The following ENPP1 variants were observed in gnomAD, a reference collection of about 807,000 sequenced individuals.
ENPP1 encodes ectonucleotide pyrophosphatase/phosphodiesterase family member 1.
In ENPP1, 73 loss-of-function variants were observed where a neutral mutation model predicts 122.8. The ratio of observed to expected loss-of-function variants is 0.59; its 90% CI spans 0.49 to 0.72. The LOEUF is 0.72. Among genes scored for constraint, ENPP1 ranks in the 30% least tolerant of loss-of-function variants. The pLI, the probability that ENPP1 is intolerant of heterozygous loss-of-function variation, is 0.00. For synonymous variants in ENPP1, 367 were observed against 391.6 expected, an observed-to-expected ratio of 0.94 and a Z score of 0.74; for missense variants, 978 against 1,128.1, an observed-to-expected ratio of 0.87 and a Z score of 1.91.
intron 1 of ENPP1, among the ~76,000 whole-genome samples, chr6:131,823,898 C>T (rs537097358): frequency 9.5e-4 from 144 of 151,460 alleles, no homozygotes; most frequent in African/African-American, 3.4e-3. Flanking sequence ...GTAGTAGTAC[C>T]TCACAGGTTT....
chr6:131,826,484 A>C, intron 1 of ENPP1: 2 of 1,055,692 alleles, frequency 1.9e-6, no homozygotes, highest in East Asian at 4.8e-5. Context: ...AAGTTTAAGC[A>C]GGAAAGATTC....
chr6:131,810,048 A>G (rs1020103202), intron 1 of ENPP1, among the ~76,000 whole-genome samples: 1 of 152,186 alleles, frequency 6.6e-6, no homozygotes, highest in Non-Finnish European at 1.5e-5. Context: ...GAACACTGTG[A>G]GACATTAACA....
At chr6:131,816,873 A>G (rs1017643314) in intron 1 of ENPP1, among the ~76,000 whole-genome samples, 3 of 152,202 alleles carry the variant, frequency 2.0e-5, no homozygotes, top group Non-Finnish European at 4.4e-5. Context: ...ATGACAGTCA[A>G]TTCTGCTTTA....
chr6:131,882,204 A>G, intron 20 of ENPP1, 141 bp from the exon 21 acceptor site: 1 of 642,668 alleles, frequency 1.6e-6, no homozygotes, highest in Non-Finnish European at 2.8e-6. Context: ...AGATGAATAT[A>G]CTAGTAGGAA....
intron 21 of ENPP1, 101 bp downstream of exon 21, chr6:131,882,575 TTA>T (rs942092937): frequency 1.4e-4 from 38 of 266,096 alleles, no homozygotes; most frequent in African/African-American, 8.8e-4. Context: ...ATATTACCTA[TTA>T]TATATATATA....
chr6:131,836,229 C>T (rs1781672424), intron 1 of ENPP1, among the ~76,000 whole-genome samples: 1 of 152,066 alleles, frequency 6.6e-6, no homozygotes, highest in Admixed American at 6.5e-5. Flanking sequence ...TCTCCTGCCT[C>T]AGCCTCCCTA....
chr6:131,865,911 G>A (rs1011126298), intron 11 of ENPP1, among the ~76,000 whole-genome samples: 1 of 151,688 alleles, frequency 6.6e-6, no homozygotes, highest in African/African-American at 2.4e-5. Flanking sequence ...CAAGAGAATC[G>A]CTTGAACCCA....
chr6:131,848,570 G>T (rs1433644871), intron 2 of ENPP1, among the ~76,000 whole-genome samples: 1 of 152,116 alleles, frequency 6.6e-6, no homozygotes, highest in Non-Finnish European at 1.5e-5. Context: ...CTGTTGAAAA[G>T]TAGTAATTTT....
At chr6:131,876,243 T>C (rs922537836) in intron 17 of ENPP1, among the ~76,000 whole-genome samples, 3 of 152,156 alleles carry the variant, frequency 2.0e-5, no homozygotes, top group Non-Finnish European at 2.9e-5. Context: ...CTGGTAGCCA[T>C]AATGGTTGAA....
chr6:131,871,948 A>G, intron 13 of ENPP1, 122 bp from the exon 14 acceptor site: 1 of 767,620 alleles, frequency 1.3e-6, no homozygotes, highest in East Asian at 2.6e-5. Context: ...ACTTAAATGA[A>G]CTCTTTAAAA....
intron 11 of ENPP1, among the ~76,000 whole-genome samples, chr6:131,867,461 A>G (rs1411357362): frequency 6.6e-6 from 1 of 152,216 alleles, no homozygotes; most frequent in East Asian, 1.9e-4. Context: ...TTATATTCCT[A>G]TGAGTTCTAA....
intron 2 of ENPP1, among the ~76,000 whole-genome samples, chr6:131,849,789 C>CT (rs201713156): frequency 6.6e-6 from 1 of 152,176 alleles, no homozygotes; most frequent in East Asian, 1.9e-4. Flanking sequence ...AATCACAAAC[C>CT]AGGCACATAA....
intron 1 of ENPP1, among the ~76,000 whole-genome samples, chr6:131,847,228 T>C (rs1240708888): frequency 2.0e-5 from 3 of 152,304 alleles, no homozygotes; most frequent in South Asian, 4.1e-4. Context: ...GATTGATACA[T>C]AGGAAATCCA....
chr6:131,843,910 G>A (rs1781772322), intron 1 of ENPP1, among the ~76,000 whole-genome samples: 2 of 151,932 alleles, frequency 1.3e-5, no homozygotes, highest in South Asian at 4.2e-4. Flanking sequence ...AGATTGAAGA[G>A]GTTCCTCATC....
At position 131,852,053 on chromosome 6, in the gene ENPP1, T is replaced by G. The variant is rs989209054; in HGVS notation, c.557-122T>G. 33 of 694,542 alleles carry G rather than the reference T, an allele frequency of 4.8e-5. No individual in the cohort carries two copies. In the African/African-American group the frequency reaches 5.8e-4, roughly 12 times the overall value. The allele number at this position is 694,542 out of a possible 1,614,324, so 43.0% of individuals were successfully genotyped here. Reference sequence around the variant, plus strand: ...ATTATACACCTCCAGAGTCATGTCCTGTGTTATCTATCAATCTGTTCACAT... The same window carrying G: ...ATTATACACCTCCAGAGTCATGTCCGGTGTTATCTATCAATCTGTTCACAT... On this transcript the variant is annotated intron_variant, in intron 4 of 24. Coordinates refer to ENST00000647893, the MANE Select transcript of ENPP1 (RefSeq NM_006208.3).
At position 131,847,299 on chromosome 6, in the gene ENPP1, A is replaced by G. The variant is rs147388033; in HGVS notation, c.241-477A>G. 2.0e-4 allele frequency among the ~76,000 whole-genome samples: 31 copies of G among 152,330 alleles called. No homozygotes were observed. The East Asian group carries it at 3.7e-3, about 18-fold the overall frequency. On this transcript the variant is annotated intron_variant, in intron 1 of 24. Transcript: ENST00000647893. ...TAATTATAATTTTTATGACTAATTC[A>G]TTTATACTAACTAGGAGAGTTTCTA...
In ENPP1 at chr6:131,855,989, G is replaced by A. The variant is rs1032711598; in HGVS notation, c.715+966G>A. Among the ~76,000 whole-genome samples, 110 of 152,072 alleles carry A rather than the reference G, an allele frequency of 7.2e-4. 1 individual carries two copies. The highest frequency in any genetic ancestry group is 2.6e-3 in the African/African-American group (107 of 41,540). ...TATTGCTTACCAGATTTGAGTATGT[G>A]AGGTGCTTTAAACATTAACATCACT... is the stretch of plus-strand genomic sequence containing the variant. On this transcript the variant is annotated intron_variant, in intron 6 of 24. Transcript: ENST00000647893.
intron 1 of ENPP1, chr6:131,826,717 G>A (rs1277930841): frequency 3.7e-6 from 2 of 541,610 alleles, no homozygotes; most frequent in Non-Finnish European, 6.7e-6. Context: ...GAAGGCAAGA[G>A]GTCTGCAATG....
chr6:131,888,506 G>T (rs1782418645), intron 24 of ENPP1, among the ~76,000 whole-genome samples: 2 of 152,046 alleles, frequency 1.3e-5, no homozygotes, highest in Admixed American at 1.3e-4. Flanking sequence ...TCTTCTCTGG[G>T]CCCAAGAGTA....
Sources: allele counts gnomAD v4.1 joint callset (sites outside exome capture counted in the v4.1 genomes callset), GRCh38; gene constraint gnomAD v4.1.1; transcripts MANE v1.5; gene names NCBI Gene and HGNC (gene_info 2026-07-23, HGNC 2026-07-21).